Variants in ANK3 observed in about 807,000 individuals in gnomAD.
The protein encoded by ANK3 is ankyrin 3.
In ANK3, 57 loss-of-function variants were observed where a neutral mutation model predicts 370.9. The ratio of observed to expected loss-of-function variants is 0.15; its 90% CI spans 0.12 to 0.19. ANK3 has a LOEUF of 0.19. ANK3 is among the 10% of genes least tolerant of loss of function. The pLI is 1.00. For missense variants in ANK3, 4,439 were observed against 5,302.1 expected, an observed-to-expected ratio of 0.84 and a Z score of 5.06; for synonymous variants, 1,929 against 1,946.3, an observed-to-expected ratio of 0.99 and a Z score of 0.23.
At chr10:60,301,122 C>T (rs1048880862) in intron 1 of ANK3, among the ~76,000 whole-genome samples, 1 of 122,492 alleles carries the variant, frequency 8.2e-6, no homozygotes, top group Admixed American at 8.0e-5. Flanking sequence ...TGAATACTTC[C>T]GATATATATA....
chr10:60,212,425 A>AG (rs1302553702), intron 9 of ANK3, among the ~76,000 whole-genome samples: 1 of 152,114 alleles, frequency 6.6e-6, no homozygotes. Flanking sequence ...ATAGCAGTGG[A>AG]GGGGGAAAGA....
chr10:60,056,119 G>A, intron 41 of ANK3, 83 bp from the exon 42 acceptor site: 3 of 1,450,834 alleles, frequency 2.1e-6, no homozygotes, highest in East Asian at 2.3e-5. Context: ...TAAGAACTGT[G>A]TCTTTTGCCT....
At position 60,276,634 on chromosome 10, in the gene ANK3, A is replaced by G. The variant is rs150118648; in HGVS notation, c.414+2140T>C. 4.5e-4 allele frequency among the ~76,000 whole-genome samples: 68 copies of G among 152,334 alleles called. No homozygotes were observed. In the East Asian group the frequency reaches 0.013, roughly 28 times the overall value. On this transcript the variant is annotated intron_variant, in intron 4 of 43. Transcript: ENST00000280772. ...AGGTGTGGAATGCGTATAAATTGAA[A>G]TTAGAACTAATTAGGATTTTATTTC...
intron 2 of ANK3, among the ~76,000 whole-genome samples, chr10:60,603,594 T>G (rs990961813): frequency 2.6e-5 from 4 of 152,164 alleles, no homozygotes; most frequent in African/African-American, 4.8e-5. Context: ...TAAATGCTAT[T>G]TCTCAAGCAT....
rs112395400 is a variant in ANK3, at chr10:60,525,802, C to T, written c.96+89384G>A. On this transcript the variant is annotated intron_variant, in intron 2 of 43. Transcript: ENST00000373827. The stretch of plus-strand genomic sequence containing the variant: ...TGTTATTGTGGGGAACAAATGCATG[C>T]GAACGCACTTTGTAAATGATGAAGC... 6.2e-4 allele frequency among the ~76,000 whole-genome samples: 94 copies of T among 152,180 alleles called. 1 individual carries two copies. The highest frequency in any genetic ancestry group is 2.0e-3 in the African/African-American group (84 of 41,544).
rs1327303563 is a variant in ANK3, at chr10:60,110,508, ACT to A, written c.2949-1456_2949-1455del. 6.6e-5 allele frequency among the ~76,000 whole-genome samples: 10 copies of A among 152,198 alleles called. No individual in the cohort carries two copies. The East Asian group carries it at 1.5e-3, about 24-fold the overall frequency. On this transcript the variant is annotated intron_variant, in intron 26 of 43. Transcript: ENST00000280772. ...ATCAAGGTAAAAGGGGAAAACACTG[ACT>A]CTCTCAAAAACAAAAAGAAAACAAA... is the stretch of plus-strand genomic sequence containing the variant.
intron 1 of ANK3, among the ~76,000 whole-genome samples, chr10:60,337,320 GC>G (rs1385826361): frequency 6.6e-6 from 1 of 151,844 alleles, no homozygotes; most frequent in Non-Finnish European, 1.5e-5. Flanking sequence ...TTTCTTTGCT[GC>G]CCCCATCTTG....
chr10:60,721,201 C>CT (rs2132024872), intron 1 of ANK3, among the ~76,000 whole-genome samples: 1 of 152,286 alleles, frequency 6.6e-6, no homozygotes, highest in East Asian at 1.9e-4. Context: ...AGAAGACAGA[C>CT]TGACTGTCAC....
rs917664591 is a variant in ANK3 at position 60,027,697 on chromosome 10, T to A, written c.*2149A>T. ...GTGAGCACTCCAGTTTTAGTGATGA[T>A]GATCACAGTTACTACTATCACTACT... On this transcript the variant is annotated 3_prime_UTR_variant, in exon 44 of 44. Transcript: ENST00000280772. The A allele has an allele frequency of 1.3e-5, 2 of 152,226 alleles. No individual in the cohort carries two copies. Among genetic ancestry groups the A allele is most frequent in the African/African-American group, 2.4e-5 (1 of 41,464 alleles). The allele number at this position is 152,226 out of a possible 1,614,324, so 9.4% of individuals were successfully genotyped here.
chr10:60,645,159 C>T (rs1233063861), intron 1 of ANK3, among the ~76,000 whole-genome samples: 1 of 151,726 alleles, frequency 6.6e-6, no homozygotes, highest in Non-Finnish European at 1.5e-5. Flanking sequence ...TTTTGATGCC[C>T]AGAATTTGAA....
At chr10:60,545,644 A>G (rs2076947282) in intron 2 of ANK3, among the ~76,000 whole-genome samples, 1 of 152,184 alleles carries the variant, frequency 6.6e-6, no homozygotes, top group Non-Finnish European at 1.5e-5. Flanking sequence ...CTAGTCTAAA[A>G]TATTTATCAA....
chr10:60,633,490 T>C (rs1379166370), intron 1 of ANK3, among the ~76,000 whole-genome samples: 1 of 152,168 alleles, frequency 6.6e-6, no homozygotes, highest in Non-Finnish European at 1.5e-5. Context: ...GAAATACTAG[T>C]TCCTAGAGAA....
At chr10:60,197,027 A>G (rs999392767) in intron 14 of ANK3, among the ~76,000 whole-genome samples, 1 of 152,012 alleles carries the variant, frequency 6.6e-6, no homozygotes, top group Admixed American at 6.6e-5. Context: ...AGGGTCCCAG[A>G]CTCAGTTTGG....
chr10:60,199,266 G>C (rs2096636185), intron 13 of ANK3, among the ~76,000 whole-genome samples: 1 of 152,166 alleles, frequency 6.6e-6, no homozygotes, highest in African/African-American at 2.4e-5. Context: ...TTGTGATAAG[G>C]TTCAGGTAAA....
intron 1 of ANK3, among the ~76,000 whole-genome samples, chr10:60,287,376 T>C (rs1411871161): frequency 1.3e-5 from 2 of 152,140 alleles, no homozygotes; most frequent in Non-Finnish European, 2.9e-5. Flanking sequence ...GCCCTTACTG[T>C]ATAATGTCCA....
chr10:60,148,971 A>G (rs933868574), intron 23 of ANK3, among the ~76,000 whole-genome samples: 2 of 152,252 alleles, frequency 1.3e-5, no homozygotes, highest in African/African-American at 4.8e-5. Context: ...CACAAGGACC[A>G]TGAGTACAAT....
chr10:60,716,222 T>C (rs1157533584), intron 1 of ANK3, among the ~76,000 whole-genome samples: 1 of 152,136 alleles, frequency 6.6e-6, no homozygotes, highest in African/African-American at 2.4e-5. Context: ...GAATTAACTT[T>C]AAAAAATTAA....
chr10:60,240,283 T>A (rs189411928), intron 7 of ANK3, among the ~76,000 whole-genome samples: 1 of 57,702 alleles, frequency 1.7e-5, no homozygotes, highest in Admixed American at 1.5e-4. Flanking sequence ...CACACACACA[T>A]ATATATATAT....
chr10:60,389,311 A>G, intron 1 of ANK3, 114 bp downstream of exon 1: 2 of 1,010,516 alleles, frequency 2.0e-6, no homozygotes, highest in South Asian at 3.2e-5. Context: ...TACACACCCA[A>G]TTTACACTCT....
Sources: gnomAD v4.1 joint callset for allele counts (sites outside exome capture counted in the v4.1 genomes callset) on GRCh38, gnomAD v4.1.1 for gene constraint, MANE v1.5 for transcripts, NCBI Gene and HGNC (gene_info 2026-07-23, HGNC 2026-07-21) for gene names.